The following C10orf90 variants were observed in gnomAD, a reference collection of about 807,000 sequenced individuals.
C10orf90 encodes the protein chromosome 10 open reading frame 90.
In C10orf90, 56 loss-of-function variants were observed where a neutral mutation model predicts 62.5. The observed-to-expected ratio is 0.90, with a 90% CI of 0.72 to 1.12. C10orf90 has a LOEUF of 1.12. Among genes scored for constraint, C10orf90 ranks in the 50% most tolerant of loss-of-function variants. The pLI, the probability that C10orf90 is intolerant of heterozygous loss-of-function variation, is 0.00. For synonymous variants in C10orf90, 386 were observed against 340.4 expected, an observed-to-expected ratio of 1.13 and a Z score of -1.47; for missense variants, 970 against 880.4, an observed-to-expected ratio of 1.10 and a Z score of -1.29.
intron 2 of C10orf90, among the ~76,000 whole-genome samples, chr10:126,547,038 G>A (rs1011139735): frequency 1.3e-5 from 2 of 151,976 alleles, no homozygotes; most frequent in African/African-American, 4.8e-5. Flanking sequence ...AGGCACAGGA[G>A]GTGGAGATTG....
intron 2 of C10orf90, among the ~76,000 whole-genome samples, chr10:126,519,869 A>T (rs1268894788): frequency 6.6e-6 from 1 of 152,026 alleles, no homozygotes; most frequent in Non-Finnish European, 1.5e-5. Context: ...TGAGGGACCA[A>T]TCCAGCCGAG....
chr10:126,561,790 C>T (rs1278122806), intron 2 of C10orf90, among the ~76,000 whole-genome samples: 1 of 152,070 alleles, frequency 6.6e-6, no homozygotes, highest in African/African-American at 2.4e-5. Flanking sequence ...GGGAGCAGGC[C>T]CCTTTCCCCG....
At chr10:126,660,753 A>T (rs1299940186) in intron 1 of C10orf90, among the ~76,000 whole-genome samples, 2 of 152,276 alleles carry the variant, frequency 1.3e-5, no homozygotes, top group Non-Finnish European at 2.9e-5. Flanking sequence ...ACAAATACAG[A>T]TTGTGTCTGC....
chr10:126,461,357 C>T (rs1859962403), intron 6 of C10orf90, 44 bp downstream of exon 6: 2 of 1,602,938 alleles, frequency 1.2e-6, no homozygotes, highest in Non-Finnish European at 1.7e-6. Context: ...TAGGAAATCT[C>T]TCCCTTTGGC....
At chr10:126,652,702 A>G (rs1361063458) in intron 1 of C10orf90, among the ~76,000 whole-genome samples, 1 of 152,214 alleles carries the variant, frequency 6.6e-6, no homozygotes, top group East Asian at 1.9e-4. Flanking sequence ...AACATCAGCC[A>G]TGAGGGGAGA....
intron 2 of C10orf90, among the ~76,000 whole-genome samples, chr10:126,610,174 G>A (rs934241960): frequency 1.3e-5 from 2 of 152,176 alleles, no homozygotes; most frequent in African/African-American, 2.4e-5. Context: ...AGGGCTCCCT[G>A]GCCTCTGGCT....
At chr10:126,552,091 G>A (rs1245425956) in intron 2 of C10orf90, among the ~76,000 whole-genome samples, 1 of 152,190 alleles carries the variant, frequency 6.6e-6, no homozygotes, top group East Asian at 1.9e-4. Context: ...GGTAAGAAGT[G>A]ATTGGTAAAG....
intron 1 of C10orf90, among the ~76,000 whole-genome samples, chr10:126,658,170 G>A (rs1846435463): frequency 6.6e-6 from 1 of 152,180 alleles, no homozygotes; most frequent in African/African-American, 2.4e-5. Context: ...GCTTCCCATT[G>A]GAACCAGACT....
intron 2 of C10orf90, among the ~76,000 whole-genome samples, chr10:126,534,438 C>T (rs1213259590): frequency 2.0e-5 from 3 of 152,194 alleles, no homozygotes; most frequent in Non-Finnish European, 2.9e-5. Flanking sequence ...AAGTGGACAT[C>T]TTTCTCTCCA....
chr10:126,469,264 G>A (rs1169358639), intron 4 of C10orf90, among the ~76,000 whole-genome samples: 1 of 152,178 alleles, frequency 6.6e-6, no homozygotes, highest in Non-Finnish European at 1.5e-5. Flanking sequence ...TGTGTTAAAG[G>A]CATTCTGGTA....
intron 2 of C10orf90, among the ~76,000 whole-genome samples, chr10:126,541,771 G>A (rs149774143): frequency 0.013 from 2,006 of 152,296 alleles, 23 homozygotes; most frequent in African/African-American, 0.017. Flanking sequence ...TACTGCAGCT[G>A]CTATGGCAGT....
intron 4 of C10orf90, among the ~76,000 whole-genome samples, chr10:126,499,894 T>C (rs555394326): frequency 4.6e-5 from 7 of 152,282 alleles, no homozygotes; most frequent in Admixed American, 4.6e-4. Context: ...TCAGAAATGG[T>C]AAAAAGCTTC....
At chr10:126,669,817 G>A (rs115945220) in intron 1 of C10orf90, among the ~76,000 whole-genome samples, 1 of 151,696 alleles carries the variant, frequency 6.6e-6, no homozygotes, top group Non-Finnish European at 1.5e-5. Context: ...CTCGATGAAG[G>A]CACGTCATAC....
intron 2 of C10orf90, among the ~76,000 whole-genome samples, chr10:126,634,714 G>A (rs2133834619): frequency 6.6e-6 from 1 of 152,236 alleles, no homozygotes; most frequent in East Asian, 1.9e-4. Flanking sequence ...ATGCAAGGTA[G>A]GTACTATCAT....
chr10:126,502,492 G>T (rs1381355856), intron 4 of C10orf90, among the ~76,000 whole-genome samples: 8 of 152,162 alleles, frequency 5.3e-5, no homozygotes, highest in African/African-American at 1.9e-4. Context: ...AATCTTCTCT[G>T]CACCACCAAA....
intron 2 of C10orf90, among the ~76,000 whole-genome samples, chr10:126,596,294 C>G (rs1845084396): frequency 6.7e-6 from 1 of 149,780 alleles, no homozygotes; most frequent in African/African-American, 2.5e-5. Context: ...CAGAGCAAAT[C>G]CTTGTCTCAA....
At chr10:126,555,219 T>A (rs1156835712) in intron 2 of C10orf90, among the ~76,000 whole-genome samples, 1 of 152,088 alleles carries the variant, frequency 6.6e-6, no homozygotes, top group African/African-American at 2.4e-5. Flanking sequence ...TGGGTTAACC[T>A]TGAATGTTTA....
intron 2 of C10orf90, among the ~76,000 whole-genome samples, chr10:126,593,329 A>G (rs1845018939): frequency 6.6e-6 from 1 of 152,238 alleles, no homozygotes; most frequent in African/African-American, 2.4e-5. Context: ...AATGTGGTGC[A>G]TATACACAAT....
intron 2 of C10orf90, among the ~76,000 whole-genome samples, chr10:126,594,296 T>C (rs887932068): frequency 2.6e-5 from 4 of 152,094 alleles, no homozygotes; most frequent in Non-Finnish European, 4.4e-5. Context: ...TCTGTGTGTG[T>C]GTCCATACAT....
Sources: allele counts gnomAD v4.1 joint callset (sites outside exome capture counted in the v4.1 genomes callset), GRCh38; gene constraint gnomAD v4.1.1; transcripts MANE v1.5; gene names NCBI Gene and HGNC (gene_info 2026-07-23, HGNC 2026-07-21).